Variants in LMAN1 observed in about 807,000 individuals in gnomAD.
LMAN1 encodes lectin, mannose binding 1.
A neutral mutation model predicts 67.8 loss-of-function variants in LMAN1; 32 were observed. The ratio of observed to expected loss-of-function variants is 0.47; its 90% CI spans 0.36 to 0.63. The LOEUF (loss-of-function observed/expected upper bound fraction) is 0.63, where lower values mean the gene tolerates loss of function less well. LMAN1 is among the 30% of genes least tolerant of loss of function. The pLI is 0.00. For missense variants in LMAN1, 632 were observed against 628.2 expected, an observed-to-expected ratio of 1.01 and a Z score of -0.06; for synonymous variants, 235 against 219.3, an observed-to-expected ratio of 1.07 and a Z score of -0.63.
intron 4 of LMAN1, 50 bp from the exon 5 acceptor site, chr18:59,353,351 T>C (rs1247879459): frequency 8.3e-6 from 11 of 1,330,110 alleles, no homozygotes; most frequent in South Asian, 1.2e-5. Context: ...CTTTTCAATA[T>C]TTAAAAATTC....
At chr18:59,342,984 C>T (rs923823862) in intron 8 of LMAN1, among the ~76,000 whole-genome samples, 3 of 149,634 alleles carry the variant, frequency 2.0e-5, no homozygotes, top group African/African-American at 4.9e-5. Flanking sequence ...GTACAGAAAT[C>T]GGTAGCATTT....
At chr18:59,346,413 T>C (rs1908409636) in intron 7 of LMAN1, among the ~76,000 whole-genome samples, 1 of 151,560 alleles carries the variant, frequency 6.6e-6, no homozygotes, top group African/African-American at 2.4e-5. Context: ...TTAGTAGAGA[T>C]GGAGTTTCAC....
At chr18:59,355,805 T>G (rs1463525550) in intron 1 of LMAN1, 147 bp from the exon 2 acceptor site, 1 of 900,630 alleles carries the variant, frequency 1.1e-6, no homozygotes. Flanking sequence ...AGTTTTAACT[T>G]TAAAAGTTTA....
chr18:59,336,648 C>T (rs1378374854), intron 10 of LMAN1, among the ~76,000 whole-genome samples: 2 of 152,290 alleles, frequency 1.3e-5, no homozygotes, highest in East Asian at 3.9e-4. Context: ...CTATGGGAGG[C>T]AGAGGCAGGA....
At chr18:59,343,572 C>A (rs180886292) in intron 8 of LMAN1, among the ~76,000 whole-genome samples, 1 of 152,000 alleles carries the variant, frequency 6.6e-6, no homozygotes, top group African/African-American at 2.4e-5. Context: ...ATTCAATAAA[C>A]GGTGCAGAAA....
intron 8 of LMAN1, among the ~76,000 whole-genome samples, chr18:59,344,479 C>T (rs1908356398): frequency 6.6e-6 from 1 of 151,996 alleles, no homozygotes; most frequent in Admixed American, 6.6e-5. Context: ...ACTACTCAGC[C>T]ATAAAATAAG....
chr18:59,331,537 T>C lies in LMAN1; in HGVS notation c.1377A>G (p.Pro459=), dbSNP rs1294091951. The C allele has an allele frequency of 6.2e-7, 1 of 1,613,190 alleles. No individual in the cohort carries two copies. The highest frequency in any genetic ancestry group is 8.5e-7 in the Non-Finnish European group (1 of 1,179,290). ...DIDNLVQRNM[P]SNEKPKCPEL... is the part of the protein sequence containing the mutation. ...CTGGGCATTTCGGCTTTTCATTTGATGGCTGTAAGGCAAATGACTTTCTAT... is the reference window on the plus strand; with the variant it reads ...CTGGGCATTTCGGCTTTTCATTTGACGGCTGTAAGGCAAATGACTTTCTAT... Residue 459 remains proline, a splice_region_variant and synonymous_variant, in exon 12 of 13, where the codon CCA becomes CCG. Transcript: ENST00000251047.
At chr18:59,343,289 GA>G (rs202153929) in intron 8 of LMAN1, among the ~76,000 whole-genome samples, 7 of 146,518 alleles carry the variant, frequency 4.8e-5, no homozygotes, top group African/African-American at 1.0e-4. Context: ...CACAGAATTA[GA>G]AAAAAAAAAT....
rs1437059011 is a variant in LMAN1, at chr18:59,346,040, A to G, written c.834T>C (p.Asp278=). 1 of 1,611,226 alleles carries G rather than the reference A, an allele frequency of 6.2e-7. No homozygotes were observed. The highest frequency in any genetic ancestry group is 1.3e-5 in the African/African-American group (1 of 74,616). The change falls in exon 8 of 13, where the codon GAT becomes GAC. Residue 278 remains aspartate (D), a synonymous_variant. Transcript: ENST00000251047. ...CTTTTTCCTTTTCCGAAATTTCTTT[A>G]TCTGGTGTGGGCTTTTTTTTGGAGT... is the stretch of plus-strand genomic sequence containing the variant. ...TEPGKEPPTP[D]KEISEKEKEK... is the part of the protein sequence containing the mutation.
rs928200328 is a variant in LMAN1, at chr18:59,349,385, T to C, written c.640-149A>G. 5 of 720,656 alleles carry C rather than the reference T, an allele frequency of 6.9e-6. No homozygotes were observed. The East Asian group carries it at 1.1e-4, about 16-fold the overall frequency. The allele number at this position is 720,656 out of a possible 1,614,324, so 44.6% of individuals were successfully genotyped here. ...TTTCCTACTTGGTGTCAATATACAA[T>C]ATATTTTACTTAAAAAAATGAGTTT... On this transcript the variant is annotated intron_variant, in intron 5 of 12. Coordinates refer to ENST00000251047, the MANE Select transcript of LMAN1 (RefSeq NM_005570.4).
chr18:59,337,825 T>C (rs773169021), intron 10 of LMAN1, among the ~76,000 whole-genome samples: 4 of 152,230 alleles, frequency 2.6e-5, no homozygotes, highest in Non-Finnish European at 5.9e-5. Flanking sequence ...ACCTTCTGTT[T>C]GATCTAACCT....
intron 8 of LMAN1, among the ~76,000 whole-genome samples, chr18:59,339,571 G>A (rs1164670445): frequency 6.6e-6 from 1 of 152,174 alleles, no homozygotes; most frequent in Non-Finnish European, 1.5e-5. Flanking sequence ...GCACAGAGAT[G>A]TTGCTCCATA....
chr18:59,347,307 C>A (rs1443318081), intron 7 of LMAN1, among the ~76,000 whole-genome samples: 4 of 119,670 alleles, frequency 3.3e-5, no homozygotes, highest in African/African-American at 1.3e-4. Flanking sequence ...GGAGACAGAG[C>A]GAGACTCCGT....
rs1603395895 is a variant in LMAN1, at chr18:59,352,640, C to T, written c.639+562G>A. 2.4e-5 allele frequency: 4 copies of T among 167,750 alleles called. No homozygotes were observed. The South Asian group carries it at 4.6e-4, about 19-fold the overall frequency. The allele number at this position is 167,750 out of a possible 1,614,324, so 10.4% of individuals were successfully genotyped here. A position where few individuals can be genotyped will look rare whatever the true frequency, so the allele number is the denominator to read the frequency against. ...ACCCACTCACTCGCACACACACACA[C>T]CCTCTTCCCCCAACTCCCAGGAACT... On this transcript the variant is annotated intron_variant, in intron 5 of 12. Transcript: ENST00000251047.
intron 8 of LMAN1, among the ~76,000 whole-genome samples, chr18:59,344,749 G>T (rs547626513): frequency 6.6e-6 from 1 of 152,160 alleles, no homozygotes; most frequent in Non-Finnish European, 1.5e-5. Context: ...ACCACTATAT[G>T]ACACAAGCAT....
chr18:59,352,847 G>A lies in LMAN1; in HGVS notation c.639+355C>T, dbSNP rs577666844. On this transcript the variant is annotated intron_variant, in intron 5 of 12. Coordinates refer to ENST00000251047, the MANE Select transcript of LMAN1 (RefSeq NM_005570.4). ...TCCTCTGTTAGGCTATAAGCTCTCT[G>A]GGGAGAAAGTCCATCTGTCTTACTC... 4.9e-5 allele frequency: 16 copies of A among 328,572 alleles called. No individual in the cohort carries two copies. The East Asian group carries it at 1.2e-3, about 25-fold the overall frequency. The allele number at this position is 328,572 out of a possible 1,614,324, so 20.4% of individuals were successfully genotyped here.
chr18:59,349,842 C>A (rs1237846781), intron 5 of LMAN1, among the ~76,000 whole-genome samples: 1 of 152,148 alleles, frequency 6.6e-6, no homozygotes, highest in Non-Finnish European at 1.5e-5. Flanking sequence ...ATCTTAGAAT[C>A]CTAGGCAAGC....
At chr18:59,359,004 G>C in intron 1 of LMAN1, 27 bp downstream of exon 1, 1 of 1,606,578 alleles carries the variant, frequency 6.2e-7, no homozygotes, top group South Asian at 1.1e-5. Context: ...AGAGGAACCC[G>C]GCCCCCAGCC....
chr18:59,340,715 A>G (rs934070919), intron 8 of LMAN1, among the ~76,000 whole-genome samples: 3 of 152,226 alleles, frequency 2.0e-5, no homozygotes, highest in Non-Finnish European at 4.4e-5. Flanking sequence ...GTTCTTATAA[A>G]ACAATCACAG....
Sources: allele counts gnomAD v4.1 joint callset (sites outside exome capture counted in the v4.1 genomes callset), GRCh38; gene constraint gnomAD v4.1.1; transcripts MANE v1.5; gene names NCBI Gene and HGNC (gene_info 2026-07-23, HGNC 2026-07-21).